Variants in RGMB observed in about 807,000 individuals in gnomAD.
RGMB encodes repulsive guidance molecule B.
In RGMB, 16 loss-of-function variants were observed where a neutral mutation model predicts 26.9. The observed-to-expected ratio is 0.60, with a 90% confidence interval of 0.40 to 0.90. The LOEUF (loss-of-function observed/expected upper bound fraction) is 0.90. RGMB is among the 40% of genes least tolerant of loss of function. The pLI, the probability that RGMB is intolerant of heterozygous loss-of-function variation, is 0.00. For synonymous variants in RGMB, 225 were observed against 229.3 expected, an observed-to-expected ratio of 0.98 and a Z score of 0.17; for missense variants, 512 against 573.3, an observed-to-expected ratio of 0.89 and a Z score of 1.09.
At chr5:98,775,991 A>G (rs1411421468) in intron 1 of RGMB, among the ~76,000 whole-genome samples, 7 of 152,168 alleles carry the variant, frequency 4.6e-5, no homozygotes, top group African/African-American at 9.7e-5. Flanking sequence ...ATGGACTACT[A>G]TATGTTTTAT....
At chr5:98,790,327 AATT>A (rs1302316819) in intron 2 of RGMB, among the ~76,000 whole-genome samples, 2 of 152,192 alleles carry the variant, frequency 1.3e-5, no homozygotes, top group African/African-American at 4.8e-5. Context: ...TCTGTGTGAG[AATT>A]ACCTTGCTTG....
At chr5:98,787,166 C>A (rs1404863970) in intron 2 of RGMB, among the ~76,000 whole-genome samples, 1 of 152,218 alleles carries the variant, frequency 6.6e-6, no homozygotes, top group Admixed American at 6.5e-5. Flanking sequence ...TCGGTTAACT[C>A]ACTTCTTGAA....
Position 98,793,205 on chromosome 5 carries a change from A to G in RGMB, c.766A>G (p.Lys256Glu). Reference sequence around the variant, plus strand: ...CACCAGTGGTGGGGACAGCGATGCCAAGAGCCTGCGTATCGTGGAAAGGGA... The same window carrying G: ...CACCAGTGGTGGGGACAGCGATGCCGAGAGCCTGCGTATCGTGGAAAGGGA... ...GTTSGGDSDA[K>E]SLRIVERESG... Residue 256 changes from lysine to glutamate, a missense_variant, in exon 3 of 3, where the codon AAG (lysine) becomes GAG (glutamate). Lys to Glu is a moderately conservative substitution (Grantham distance 56). Coordinates refer to ENST00000513185, the MANE Select transcript of RGMB (RefSeq NM_001366508.1). The G allele has an allele frequency of 1.9e-6, 3 of 1,614,038 alleles. No individual in the cohort carries two copies. Among genetic ancestry groups the G allele is most frequent in the Non-Finnish European group, 2.5e-6 (3 of 1,179,890 alleles).
In RGMB at chr5:98,796,209, T is replaced by C. The variant is rs1747115653; in HGVS notation, c.*2456T>C. 2 of 152,208 alleles carry C rather than the reference T, an allele frequency of 1.3e-5. No individual in the cohort carries two copies. The highest frequency in any genetic ancestry group is 4.8e-5 in the African/African-American group (2 of 41,458). 9.4% of individuals were successfully genotyped at this position (152,208 alleles called of 1,614,324 possible). A position where few individuals can be genotyped will look rare whatever the true frequency, so the allele number is the denominator to read the frequency against. On this transcript the variant is annotated 3_prime_UTR_variant, in exon 3 of 3. Coordinates refer to ENST00000513185, the MANE Select transcript of RGMB (RefSeq NM_001366508.1). The stretch of plus-strand genomic sequence containing the variant: ...AGGTCATACCAACATGTGGATAGGC[T>C]ATAGCTGTTCAGAGGTCTCCTGGGG...
intron 1 of RGMB, among the ~76,000 whole-genome samples, chr5:98,775,715 G>A (rs913013880): frequency 5.3e-5 from 8 of 152,180 alleles, no homozygotes; most frequent in African/African-American, 1.9e-4. Context: ...TGGCTTAAAG[G>A]TTTAGAAAAG....
chr5:98,790,977 A>G (rs1028914088), intron 2 of RGMB, among the ~76,000 whole-genome samples: 1 of 152,114 alleles, frequency 6.6e-6, no homozygotes, highest in African/African-American at 2.4e-5. Flanking sequence ...TCTCCAAGGG[A>G]TCCCAGCATG....
At chr5:98,788,399 C>T (rs1020663641) in intron 2 of RGMB, among the ~76,000 whole-genome samples, 2 of 152,078 alleles carry the variant, frequency 1.3e-5, no homozygotes, top group Admixed American at 6.5e-5. Flanking sequence ...GAGTTCATAG[C>T]TTCCTAACAG....
intron 2 of RGMB, among the ~76,000 whole-genome samples, chr5:98,783,078 G>A (rs774795352): frequency 2.0e-4 from 30 of 152,136 alleles, no homozygotes; most frequent in Non-Finnish European, 3.2e-4. Context: ...CTTGGGAAAG[G>A]TAGGGTTTGT....
At chr5:98,768,745 T>A (rs573642038), upstream of RGMB, 1 of 152,330 alleles carries the variant, frequency 6.6e-6, no homozygotes, top group East Asian at 1.9e-4. Flanking sequence ...GCACCTTAGG[T>A]GGTCAGGTAA....
At chr5:98,787,186 A>G (rs1354189612) in intron 2 of RGMB, among the ~76,000 whole-genome samples, 1 of 152,218 alleles carries the variant, frequency 6.6e-6, no homozygotes, top group Non-Finnish European at 1.5e-5. Context: ...AATGCATGGT[A>G]ACCATTCTAA....
intron 2 of RGMB, among the ~76,000 whole-genome samples, chr5:98,782,483 T>G (rs1746638826): frequency 6.6e-6 from 1 of 152,146 alleles, no homozygotes; most frequent in Admixed American, 6.5e-5. Flanking sequence ...TTTTGAAAAA[T>G]TTTTTCATGG....
Position 98,774,142 on chromosome 5 carries a change from G to A in RGMB, c.72G>A (p.Gly24=), listed in dbSNP as rs932636299. Residue 24 remains glycine, a synonymous_variant, in exon 1 of 3, where the codon GGG becomes GGA. Coordinates refer to ENST00000513185, the MANE Select transcript of RGMB (RefSeq NM_001366508.1). ...AGGTTGAGCAGCGCCGCAGCCCCGG[G>A]CTCTGCCCCCCGCCGCTGGAGCTGC... ...AAEVEQRRSP[G]LCPPPLELLL... 4 of 1,488,974 alleles carry A rather than the reference G, an allele frequency of 2.7e-6. No homozygotes were observed. The highest frequency in any genetic ancestry group is 3.6e-6 in the Non-Finnish European group (4 of 1,121,816). 92.2% of individuals were successfully genotyped at this position (1,488,974 alleles called of 1,614,324 possible). A position where few individuals can be genotyped will look rare whatever the true frequency, so the allele number is the denominator to read the frequency against.
chr5:98,788,217 C>T (rs769437919), intron 2 of RGMB, among the ~76,000 whole-genome samples: 4 of 152,196 alleles, frequency 2.6e-5, no homozygotes, highest in Non-Finnish European at 4.4e-5. Context: ...CTGCCACTCA[C>T]CTCGTAAACA....
chr5:98,789,976 A>G (rs1237332883), intron 2 of RGMB, among the ~76,000 whole-genome samples: 2 of 152,238 alleles, frequency 1.3e-5, no homozygotes, highest in Non-Finnish European at 2.9e-5. Context: ...TAAAATTCCA[A>G]TTAAATTGTG....
intron 2 of RGMB, among the ~76,000 whole-genome samples, chr5:98,787,856 C>T (rs1746810603): frequency 6.6e-6 from 1 of 152,160 alleles, no homozygotes; most frequent in Non-Finnish European, 1.5e-5. Flanking sequence ...TCTTCCTGGG[C>T]CAGCTTCCCT....
upstream of RGMB, chr5:98,770,735 C>T: frequency 1.0e-6 from 1 of 1,002,958 alleles, no homozygotes; most frequent in Non-Finnish European, 1.4e-6. Context: ...TTGTACTTTC[C>T]TTATTTTCTC....
chr5:98,784,552 G>A (rs1422754453), intron 2 of RGMB, among the ~76,000 whole-genome samples: 1 of 152,168 alleles, frequency 6.6e-6, no homozygotes, highest in Non-Finnish European at 1.5e-5. Context: ...CAGCATGTGG[G>A]CATGTAAACC....
chr5:98,788,958 AGG>A (rs1746844496), intron 2 of RGMB, among the ~76,000 whole-genome samples: 1 of 152,208 alleles, frequency 6.6e-6, no homozygotes. Flanking sequence ...TAAGAGTAAA[AGG>A]GGCTGTGAGC....
intron 2 of RGMB, among the ~76,000 whole-genome samples, chr5:98,783,466 C>T (rs1746670048): frequency 6.6e-6 from 1 of 152,214 alleles, no homozygotes; most frequent in East Asian, 1.9e-4. Context: ...AAGTAGCCCA[C>T]CCTTCACAGG....
Sources: allele counts gnomAD v4.1 joint callset (sites outside exome capture counted in the v4.1 genomes callset), GRCh38; gene constraint gnomAD v4.1.1; transcripts MANE v1.5; gene names NCBI Gene and HGNC (gene_info 2026-07-23, HGNC 2026-07-21).